Variants in FGF13 observed in about 807,000 individuals in gnomAD.
FGF13 encodes the protein fibroblast growth factor homologous factor 2.
FGF13 carries 2 observed loss-of-function variants against 19.5 expected under a neutral mutation model. That is an observed-to-expected ratio of 0.10 (90% confidence interval 0.04 to 0.32). The LOEUF is 0.32. FGF13 is among the 10% of genes least tolerant of loss of function. The pLI is 1.00. For missense variants in FGF13, 113 were observed against 192.7 expected (o/e 0.59, Z 2.45); for synonymous variants, 72 against 76.9 (o/e 0.94, Z 0.33).
rs182732463 is a variant in FGF13, at chrX:138,878,095, T to G, written c.-112-13445A>C. ...CTCCACATCCTCATCTTCACTTATT[T>G]TCCTTTAAAAAAGTATACACCCTAA... is the stretch of plus-strand genomic sequence containing the variant. On this transcript the variant is annotated intron_variant, in intron 1 of 2. Coordinates refer to the FGF13 transcript ENST00000421460. Among the ~76,000 whole-genome samples, 9 of 111,636 alleles carry G rather than the reference T, an allele frequency of 8.1e-5. No individual in the cohort carries two copies. The South Asian group carries it at 2.7e-3, about 33-fold the overall frequency.
chrX:139,062,364 G>T (rs1190343901), intron 1 of FGF13, among the ~76,000 whole-genome samples: 1 of 111,570 alleles, frequency 9.0e-6, no homozygotes, highest in Non-Finnish European at 1.9e-5. Context: ...AAAATGAATT[G>T]GTTGTAAATG....
At chrX:138,868,129 G>A (rs770542923) in intron 1 of FGF13, among the ~76,000 whole-genome samples, 2 of 111,834 alleles carry the variant, frequency 1.8e-5, no homozygotes, top group African/African-American at 3.2e-5. Flanking sequence ...ATTGAAAAAT[G>A]TTTGGTCTCA....
At chrX:138,677,752 A>G (rs1298776138) in intron 3 of FGF13, among the ~76,000 whole-genome samples, 1 of 112,548 alleles carries the variant, frequency 8.9e-6, no homozygotes, top group Non-Finnish European at 1.9e-5. Context: ...TAGTTCAACC[A>G]TTGTGGAAGT....
rs2089018960 is a variant in FGF13, at chrX:138,621,964, C to A, written c.*10886G>T. The A allele has an allele frequency of 9.1e-6, 1 of 110,392 alleles. No individual in the cohort carries two copies. Among genetic ancestry groups the A allele is most frequent in the Non-Finnish European group, 1.9e-5 (1 of 52,673 alleles). The allele number at this position is 110,392 out of a possible 1,213,427, so 9.1% of individuals were successfully genotyped here. A position where few individuals can be genotyped will look rare whatever the true frequency, so the allele number is the denominator to read the frequency against. On this transcript the variant is annotated 3_prime_UTR_variant, in exon 5 of 5. Transcript: ENST00000315930. Reference sequence around the variant, plus strand: ...TCAGCAATTTTTTAAAAAAGAACTTCCCAACAAAGTAAAGCCCAGAACCAG... The same window carrying A: ...TCAGCAATTTTTTAAAAAAGAACTTACCAACAAAGTAAAGCCCAGAACCAG...
At chrX:138,874,432 T>TC (rs774782631) in intron 1 of FGF13, among the ~76,000 whole-genome samples, 320 of 111,070 alleles carry the variant, frequency 2.9e-3, no homozygotes, top group Non-Finnish European at 4.8e-3. Flanking sequence ...TTCTTTCTTC[T>TC]CTTTTTTTTC....
intron 3 of FGF13, among the ~76,000 whole-genome samples, chrX:138,744,908 C>T (rs1204327769): frequency 2.7e-5 from 3 of 111,798 alleles, no homozygotes; most frequent in Non-Finnish European, 5.6e-5. Context: ...CAAAGTACAA[C>T]TTTCCCAAAT....
chrX:138,811,286 T>C (rs951318297), intron 3 of FGF13, among the ~76,000 whole-genome samples: 1 of 111,262 alleles, frequency 9.0e-6, no homozygotes, highest in Non-Finnish European at 1.9e-5. Context: ...TGAGTTCATG[T>C]CCTTTGTAGG....
intron 1 of FGF13, among the ~76,000 whole-genome samples, chrX:138,894,719 AT>A (rs2091494584): frequency 9.0e-6 from 1 of 111,360 alleles, no homozygotes; most frequent in African/African-American, 3.3e-5. Context: ...TCACAGCCGA[AT>A]TCTACCAGAG....
chrX:138,920,419 GATA>G (rs1345843417), intron 1 of FGF13, among the ~76,000 whole-genome samples: 1 of 111,056 alleles, frequency 9.0e-6, no homozygotes, highest in Non-Finnish European at 1.9e-5. Flanking sequence ...ATGAATTTAT[GATA>G]ATGATGATGA....
intron 3 of FGF13, among the ~76,000 whole-genome samples, chrX:138,846,448 GAGA>G (rs777688835): frequency 8.9e-6 from 1 of 111,877 alleles, no homozygotes; most frequent in South Asian, 3.8e-4. Flanking sequence ...CGGAAAGAGA[GAGA>G]AGAAGCAAAT....
At chrX:138,653,795 C>T (rs1439508284) in intron 3 of FGF13, among the ~76,000 whole-genome samples, 1 of 111,699 alleles carries the variant, frequency 9.0e-6, no homozygotes, top group Non-Finnish European at 1.9e-5. Flanking sequence ...GCACAATAGG[C>T]CCTTTAGTCG....
At chrX:139,005,532 G>A (rs952746774) in intron 1 of FGF13, among the ~76,000 whole-genome samples, 2 of 109,851 alleles carry the variant, frequency 1.8e-5, no homozygotes, top group Non-Finnish European at 3.8e-5. Flanking sequence ...GATACAGGTG[G>A]ATTTCCACAA....
chrX:138,761,829 G>A (rs148398756), intron 3 of FGF13, among the ~76,000 whole-genome samples: 27 of 111,083 alleles, frequency 2.4e-4, no homozygotes, highest in South Asian at 1.5e-3. Context: ...ATCTTTCCAC[G>A]AAATCCATCC....
intron 2 of FGF13, among the ~76,000 whole-genome samples, chrX:138,858,469 G>C (rs1053633570): frequency 9.0e-6 from 1 of 111,715 alleles, no homozygotes; most frequent in East Asian, 2.8e-4. Context: ...TGCCTTTATA[G>C]GGTTCACTGC....
intron 1 of FGF13, among the ~76,000 whole-genome samples, chrX:138,977,721 G>A (rs904841234): frequency 8.9e-6 from 1 of 112,016 alleles, no homozygotes; most frequent in Non-Finnish European, 1.9e-5. Context: ...TGAGAAATGG[G>A]AGCAGAGCTA....
chrX:138,769,634 C>G (rs139835133), intron 3 of FGF13, among the ~76,000 whole-genome samples: 1 of 112,150 alleles, frequency 8.9e-6, no homozygotes, highest in Non-Finnish European at 1.9e-5. Context: ...CTGAGATTAG[C>G]GTTGGTGTGG....
intron 1 of FGF13, among the ~76,000 whole-genome samples, chrX:138,983,088 T>C (rs1370136426): frequency 9.0e-6 from 1 of 111,239 alleles, no homozygotes; most frequent in Non-Finnish European, 1.9e-5. Context: ...TATTATTTCC[T>C]TTGCTGTACA....
chrX:138,929,265 G>GTGTC (rs773978849), intron 1 of FGF13, among the ~76,000 whole-genome samples: 76 of 108,129 alleles, frequency 7.0e-4, no homozygotes, highest in African/African-American at 2.2e-3. Flanking sequence ...GTGTGTGTGT[G>GTGTC]TCTCTCTGTG....
intron 3 of FGF13, among the ~76,000 whole-genome samples, chrX:138,697,775 C>A (rs1257348896): frequency 9.0e-6 from 1 of 111,325 alleles, no homozygotes. Flanking sequence ...TTTCTAATAT[C>A]TGTTATTTCT....
Sources: gnomAD v4.1 joint callset for allele counts (sites outside exome capture counted in the v4.1 genomes callset) on GRCh38, gnomAD v4.1.1 for gene constraint, MANE v1.5 for transcripts, NCBI Gene and HGNC (gene_info 2026-07-23, HGNC 2026-07-21) for gene names.